PTPRN2: variants seen among roughly 807,000 people sequenced by gnomAD.
PTPRN2 encodes the protein receptor-type tyrosine-protein phosphatase N2.
A neutral mutation model predicts 118.8 loss-of-function variants in PTPRN2; 74 were observed. The observed-to-expected ratio is 0.62, with a 90% CI of 0.52 to 0.76. The LOEUF (loss-of-function observed/expected upper bound fraction) is 0.76. PTPRN2 is among the 30% of genes least tolerant of loss of function. PTPRN2 has a pLI of 0.00. For synonymous variants in PTPRN2, 641 were observed against 608.0 expected (o/e 1.05, Z -0.80); for missense variants, 1,481 against 1,394.4 (o/e 1.06, Z -0.99).
chr7:158,578,345 T>C (rs1407617684), intron 1 of PTPRN2, among the ~76,000 whole-genome samples: 2 of 151,336 alleles, frequency 1.3e-5, no homozygotes, highest in Middle Eastern at 3.5e-3. Context: ...TCTCAGCAGT[T>C]TGGGAGGACA....
chr7:157,564,946 T>C (rs1013719610), intron 21 of PTPRN2, among the ~76,000 whole-genome samples: 2 of 152,200 alleles, frequency 1.3e-5, no homozygotes. Flanking sequence ...GTGCGGTCCA[T>C]CCATGCCATG....
At chr7:158,513,079 G>C (rs1296227828) in intron 1 of PTPRN2, among the ~76,000 whole-genome samples, 2 of 152,168 alleles carry the variant, frequency 1.3e-5, no homozygotes, top group Admixed American at 1.3e-4. Flanking sequence ...GAGTGCAGCA[G>C]GGAAAGAGGG....
intron 2 of PTPRN2, among the ~76,000 whole-genome samples, chr7:158,373,608 G>T (rs1481693249): frequency 2.0e-5 from 3 of 152,300 alleles, no homozygotes; most frequent in Admixed American, 6.5e-5. Flanking sequence ...ACCCACATTT[G>T]GTTGTTTTAG....
intron 11 of PTPRN2, among the ~76,000 whole-genome samples, chr7:158,032,303 G>A (rs1052445423): frequency 6.6e-6 from 1 of 152,172 alleles, no homozygotes; most frequent in African/African-American, 2.4e-5. Flanking sequence ...CCCCTCCTCT[G>A]ACCTCTAGGC....
chr7:158,067,356 T>C (rs571209004), intron 11 of PTPRN2, among the ~76,000 whole-genome samples: 2 of 152,318 alleles, frequency 1.3e-5, no homozygotes, highest in East Asian at 1.9e-4. Context: ...AGCTCCCAGC[T>C]GGCAGGGGGC....
intron 14 of PTPRN2, among the ~76,000 whole-genome samples, chr7:157,638,292 C>T (rs777621091): frequency 4.0e-5 from 6 of 151,762 alleles, no homozygotes; most frequent in Non-Finnish European, 8.8e-5. Flanking sequence ...TCACAAGGAA[C>T]GGAGCTTGGA....
At chr7:157,680,530 C>T (rs6972824) in intron 13 of PTPRN2, among the ~76,000 whole-genome samples, 3 of 152,084 alleles carry the variant, frequency 2.0e-5, no homozygotes. Context: ...GAGTCCTTGA[C>T]ACGTTACTCA....
At chr7:157,541,387 T>A (rs1415334907) in intron 22 of PTPRN2, among the ~76,000 whole-genome samples, 1 of 152,242 alleles carries the variant, frequency 6.6e-6, no homozygotes, top group Non-Finnish European at 1.5e-5. Context: ...CACAGCCACT[T>A]GGGCAGGCAC....
chr7:157,731,196 C>T (rs1799879286), intron 12 of PTPRN2, among the ~76,000 whole-genome samples: 1 of 152,156 alleles, frequency 6.6e-6, no homozygotes, highest in Non-Finnish European at 1.5e-5. Context: ...GCATGCAAAA[C>T]CTTGCCCGCA....
At chr7:158,432,800 C>G (rs1816317303) in intron 2 of PTPRN2, among the ~76,000 whole-genome samples, 1 of 152,154 alleles carries the variant, frequency 6.6e-6, no homozygotes, top group African/African-American at 2.4e-5. Context: ...CAACCTCACC[C>G]TCACTAGAAT....
chr7:158,178,509 G>A (rs1824410130), intron 5 of PTPRN2, among the ~76,000 whole-genome samples: 3 of 150,810 alleles, frequency 2.0e-5, no homozygotes, highest in Non-Finnish European at 4.4e-5. Context: ...CTCCATCTAA[G>A]TGGCTGCAAG....
chr7:158,113,119 G>A (rs1816430066), intron 9 of PTPRN2, among the ~76,000 whole-genome samples: 1 of 152,152 alleles, frequency 6.6e-6, no homozygotes, highest in South Asian at 2.1e-4. Context: ...ACAGAGGCAA[G>A]CAGCGAGCTG....
chr7:158,127,218 C>G (rs1817765137), intron 9 of PTPRN2, among the ~76,000 whole-genome samples: 1 of 152,176 alleles, frequency 6.6e-6, no homozygotes, highest in South Asian at 2.1e-4. Context: ...TCCATTGGCT[C>G]CTCCTCTTTC....
rs1238103181 is a variant in PTPRN2 at position 157,814,495 on chromosome 7, GAC to G, written c.1788+84176_1788+84177del. The stretch of plus-strand genomic sequence containing the variant: ...GGGGGCAGGACAGGGACAGAGGAGA[GAC>G]ACGGGGCAGGACGGGGCAGGACGGG... On this transcript the variant is annotated intron_variant, in intron 12 of 22. Transcript: ENST00000389418. 5.2e-3 allele frequency among the ~76,000 whole-genome samples: 708 copies of G among 137,128 alleles called. 12 individuals carry two copies. Among genetic ancestry groups the G allele is most frequent in the African/African-American group, 0.02 (664 of 33,218 alleles). The allele number at this position is 137,128 out of a possible 152,430, so 90.0% of individuals were successfully genotyped here. A position where few individuals can be genotyped will look rare whatever the true frequency, so the allele number is the denominator to read the frequency against.
At chr7:158,364,388 T>G (rs1408779251) in intron 2 of PTPRN2, among the ~76,000 whole-genome samples, 1 of 148,780 alleles carries the variant, frequency 6.7e-6, no homozygotes, top group African/African-American at 2.5e-5. Flanking sequence ...CCATCCTCAC[T>G]TCACCTGCCT....
chr7:158,159,757 A>G (rs1206830834), intron 6 of PTPRN2, among the ~76,000 whole-genome samples: 4 of 152,212 alleles, frequency 2.6e-5, no homozygotes, highest in Non-Finnish European at 2.9e-5. Context: ...AGCTGAAAGT[A>G]TGGCATTACA....
chr7:158,387,579 C>CTGAAGCACTCTCTGG (rs1811577510), intron 2 of PTPRN2, among the ~76,000 whole-genome samples: 1 of 3,636 alleles, frequency 2.8e-4, no homozygotes, highest in African/African-American at 9.8e-4. Context: ...GTCAGCTCAG[C>CTGAAGCACTCTCTGG]TTGGCCCGGC....
chr7:158,386,564 C>T (rs536499404), intron 2 of PTPRN2, among the ~76,000 whole-genome samples: 1 of 152,286 alleles, frequency 6.6e-6, no homozygotes, highest in Non-Finnish European at 1.5e-5. Context: ...TGGATGGGTG[C>T]AGGAGATGGG....
Position 157,833,594 on chromosome 7 carries a change from G to C in PTPRN2, c.1788+65079C>G, listed in dbSNP as rs59853129. ...ATCTATCCCATATGATTGTAAACTC[G>C]TTCAGGAAGTGTGTGACGTGGCCGG... On this transcript the variant is annotated intron_variant, in intron 12 of 22. Transcript: ENST00000389418. Among the ~76,000 whole-genome samples the C allele has an allele frequency of 7.5e-3, 1,140 of 152,136 alleles. 6 individuals carry two copies. Among genetic ancestry groups the C allele is most frequent in the African/African-American group, 0.026 (1,080 of 41,488 alleles).
Sources: allele counts gnomAD v4.1 joint callset (sites outside exome capture counted in the v4.1 genomes callset), GRCh38; gene constraint gnomAD v4.1.1; transcripts MANE v1.5; gene names NCBI Gene and HGNC (gene_info 2026-07-23, HGNC 2026-07-21).